The following SORCS2 variants were observed in gnomAD, a reference collection of about 807,000 sequenced individuals.
SORCS2 encodes VPS10 domain-containing receptor SorCS2.
SORCS2 carries 100 observed loss-of-function variants against 141.6 expected under a neutral mutation model. That is an observed-to-expected ratio of 0.71 (90% CI 0.60 to 0.83). The LOEUF is 0.83. Ranked by LOEUF, SORCS2 falls within the 40% of genes least tolerant of loss-of-function variation. The pLI, the probability that SORCS2 is intolerant of heterozygous loss-of-function variation, is 0.00. For missense variants in SORCS2, 1,646 were observed against 1,560.2 expected (o/e 1.05, Z -0.93); for synonymous variants, 789 against 676.9 (o/e 1.17, Z -2.57).
intron 1 of SORCS2, among the ~76,000 whole-genome samples, chr4:7,250,924 G>A (rs929744550): frequency 2.0e-5 from 3 of 152,260 alleles, no homozygotes; most frequent in African/African-American, 7.2e-5. Flanking sequence ...TGGCCAGTGG[G>A]CGCAGGGCCA....
At chr4:7,729,052 A>G (rs151066623) in intron 22 of SORCS2, among the ~76,000 whole-genome samples, 84 of 152,342 alleles carry the variant, frequency 5.5e-4, no homozygotes, top group African/African-American at 1.9e-3. Context: ...AGGTTGAATC[A>G]GGGTTTGCCA....
chr4:7,300,137 G>A (rs1435637710), intron 1 of SORCS2, among the ~76,000 whole-genome samples: 1 of 152,224 alleles, frequency 6.6e-6, no homozygotes, highest in African/African-American at 2.4e-5. Context: ...CGTAGCTACT[G>A]ATAAGTGGGA....
chr4:7,366,128 C>G (rs192084377), intron 1 of SORCS2, among the ~76,000 whole-genome samples: 3 of 152,156 alleles, frequency 2.0e-5, no homozygotes, highest in African/African-American at 7.2e-5. Flanking sequence ...ACAGGCTCCC[C>G]GCACATCCCT....
At chr4:7,316,788 C>T (rs991014770) in intron 1 of SORCS2, among the ~76,000 whole-genome samples, 3 of 152,138 alleles carry the variant, frequency 2.0e-5, no homozygotes, top group Non-Finnish European at 2.9e-5. Flanking sequence ...AAGCACTAGC[C>T]CACACTCCCC....
At chr4:7,266,552 G>A (rs946187367) in intron 1 of SORCS2, among the ~76,000 whole-genome samples, 5 of 152,168 alleles carry the variant, frequency 3.3e-5, no homozygotes, top group African/African-American at 1.2e-4. Context: ...CAAAGCATCT[G>A]GGGCCCCTGT....
chr4:7,306,363 G>A (rs1717833145), intron 1 of SORCS2, among the ~76,000 whole-genome samples: 1 of 152,124 alleles, frequency 6.6e-6, no homozygotes, highest in South Asian at 2.1e-4. Flanking sequence ...GCTTCTGGTG[G>A]GGGTGGGTGT....
intron 1 of SORCS2, among the ~76,000 whole-genome samples, chr4:7,282,718 A>C (rs946344988): frequency 1.3e-5 from 2 of 152,102 alleles, no homozygotes; most frequent in African/African-American, 4.8e-5. Context: ...ACAGATGAGG[A>C]AGGAAACTGG....
chr4:7,285,915 C>G (rs548722132), intron 1 of SORCS2, among the ~76,000 whole-genome samples: 3 of 152,182 alleles, frequency 2.0e-5, no homozygotes, highest in Admixed American at 6.5e-5. Flanking sequence ...AGGAGCCTGG[C>G]GTGAGGCCGA....
At chr4:7,503,310 G>A (rs1732082637) in intron 2 of SORCS2, among the ~76,000 whole-genome samples, 1 of 152,310 alleles carries the variant, frequency 6.6e-6, no homozygotes, top group East Asian at 1.9e-4. Flanking sequence ...AGGCTGCCGA[G>A]TTAGAAATGA....
chr4:7,240,250 G>A (rs1005825553), intron 1 of SORCS2, among the ~76,000 whole-genome samples: 2 of 152,182 alleles, frequency 1.3e-5, no homozygotes, highest in African/African-American at 4.8e-5. Context: ...TTGCTTGCAC[G>A]TACCACCTTG....
At chr4:7,412,743 C>G (rs936736246) in intron 2 of SORCS2, among the ~76,000 whole-genome samples, 2 of 152,072 alleles carry the variant, frequency 1.3e-5, no homozygotes, top group African/African-American at 4.8e-5. Flanking sequence ...CCCCAAGCAC[C>G]CTTGCTGCTT....
chr4:7,385,968 C>T (rs1459772542), intron 1 of SORCS2, among the ~76,000 whole-genome samples: 1 of 152,196 alleles, frequency 6.6e-6, no homozygotes, highest in Non-Finnish European at 1.5e-5. Context: ...GAGCATCTTC[C>T]TCATGTTTTG....
At chr4:7,512,277 C>G (rs905427304) in intron 2 of SORCS2, among the ~76,000 whole-genome samples, 3 of 150,312 alleles carry the variant, frequency 2.0e-5, no homozygotes, top group Non-Finnish European at 4.4e-5. Context: ...CAGGGCCAGG[C>G]TCATAATAGC....
At chr4:7,724,005 C>T (rs1467745656) in intron 19 of SORCS2, 122 bp downstream of exon 19, 1 of 1,211,282 alleles carries the variant, frequency 8.3e-7, no homozygotes, top group African/African-American at 1.5e-5. Context: ...GGACGGTGAA[C>T]CCGAGGGCAG....
At chr4:7,227,965 C>T (rs981842898) in intron 1 of SORCS2, among the ~76,000 whole-genome samples, 5 of 152,098 alleles carry the variant, frequency 3.3e-5, no homozygotes, top group African/African-American at 7.2e-5. Context: ...CAGGGGGTGG[C>T]GGGAGCTGAG....
chr4:7,485,530 C>T (rs1446079925), intron 2 of SORCS2, among the ~76,000 whole-genome samples: 1 of 152,248 alleles, frequency 6.6e-6, no homozygotes, highest in African/African-American at 2.4e-5. Context: ...GCCATCTCCT[C>T]TAGCTTCTCC....
chr4:7,427,070 G>A (rs2109209937), intron 2 of SORCS2, among the ~76,000 whole-genome samples: 1 of 152,284 alleles, frequency 6.6e-6, no homozygotes, highest in Middle Eastern at 3.4e-3. Flanking sequence ...CCTGCCTTGG[G>A]CCACGGCCTC....
chr4:7,639,525 ATG>A (rs1491159035), intron 4 of SORCS2, among the ~76,000 whole-genome samples: 9 of 90,266 alleles, frequency 1.0e-4, no homozygotes, highest in East Asian at 1.7e-3. Flanking sequence ...GGTTTGTGGG[ATG>A]TGGGGGGGTG....
chr4:7,486,381 C>T (rs1406645752), intron 2 of SORCS2, among the ~76,000 whole-genome samples: 1 of 152,250 alleles, frequency 6.6e-6, no homozygotes, highest in African/African-American at 2.4e-5. Flanking sequence ...CTTCCAGCCT[C>T]CACCACACAC....
Sources: gnomAD v4.1 joint callset for allele counts (sites outside exome capture counted in the v4.1 genomes callset) on GRCh38, gnomAD v4.1.1 for gene constraint, MANE v1.5 for transcripts, NCBI Gene and HGNC (gene_info 2026-07-23, HGNC 2026-07-21) for gene names.